VTI1A: variants seen among roughly 807,000 people sequenced by gnomAD.
VTI1A encodes vesicle transport through interaction with t-SNAREs homolog 1A.
In VTI1A, 22 loss-of-function variants were observed where a neutral mutation model predicts 34.9. The ratio of observed to expected loss-of-function variants is 0.63; its 90% confidence interval spans 0.45 to 0.90. VTI1A has a LOEUF of 0.90. Ranked by LOEUF, VTI1A falls within the 40% of genes least tolerant of loss-of-function variation. VTI1A has a pLI of 0.00. For synonymous variants in VTI1A, 87 were observed against 97.3 expected (o/e 0.89, Z 0.62); for missense variants, 268 against 275.6 (o/e 0.97, Z 0.20).
rs35671432 is a variant in VTI1A, at chr10:112,684,437, C to CTTT, written c.560+15456_560+15458dup. 7.0e-4 allele frequency among the ~76,000 whole-genome samples: 86 copies of CTTT among 123,432 alleles called. 3 individuals carry two copies. The highest frequency in any genetic ancestry group is 1.5e-3 in the African/African-American group (48 of 32,200). 81.0% of individuals were successfully genotyped at this position (123,432 alleles called of 152,430 possible). ...CCTTGAAGATAATAAATGCTCATCT[C>CTTT]TTTTTTTTTTTTTTTTTTTGAGACA... On this transcript the variant is annotated intron_variant, in intron 7 of 7. Coordinates refer to ENST00000393077, the MANE Select transcript of VTI1A (RefSeq NM_145206.4).
intron 3 of VTI1A, among the ~76,000 whole-genome samples, chr10:112,466,909 C>G (rs990841677): frequency 6.6e-6 from 1 of 152,162 alleles, no homozygotes; most frequent in Non-Finnish European, 1.5e-5. Context: ...GATGGCTTCT[C>G]CCCATGTCTT....
intron 7 of VTI1A, among the ~76,000 whole-genome samples, chr10:112,749,472 A>G (rs1851026139): frequency 6.6e-6 from 1 of 152,214 alleles, no homozygotes; most frequent in Non-Finnish European, 1.5e-5. Flanking sequence ...ATGCTGCTTC[A>G]CCCTTGATAG....
chr10:112,809,464 T>C (rs190594792), intron 7 of VTI1A, among the ~76,000 whole-genome samples: 1 of 152,268 alleles, frequency 6.6e-6, no homozygotes, highest in East Asian at 1.9e-4. Context: ...ACCCCAAAAG[T>C]GGGGCATCGT....
Position 112,768,196 on chromosome 10 carries a change from G to T in VTI1A, c.561-47094G>T, listed in dbSNP as rs573986396. On this transcript the variant is annotated intron_variant, in intron 7 of 7. Coordinates refer to ENST00000393077, the MANE Select transcript of VTI1A (RefSeq NM_145206.4). ...AAAACAAATTGCATGACGAGTGTGA[G>T]GATCCATTGTTATGGTATAATGGAA... 2.2e-4 allele frequency among the ~76,000 whole-genome samples: 34 copies of T among 152,308 alleles called. No homozygotes were observed. In the South Asian group the frequency reaches 2.3e-3, roughly 10 times the overall value.
intron 7 of VTI1A, among the ~76,000 whole-genome samples, chr10:112,711,440 T>C (rs774017627): frequency 2.0e-5 from 3 of 152,228 alleles, no homozygotes; most frequent in Non-Finnish European, 4.4e-5. Flanking sequence ...TTATTTAGCC[T>C]ATTAAATGAA....
chr10:112,464,488 A>G, intron 2 of VTI1A, 59 bp from the exon 3 acceptor site: 1 of 1,461,926 alleles, frequency 6.8e-7, no homozygotes, highest in Non-Finnish European at 9.4e-7. Context: ...AGCCGTAAAC[A>G]TTTGTTCAAA....
intron 7 of VTI1A, among the ~76,000 whole-genome samples, chr10:112,771,845 T>C (rs754723928): frequency 6.6e-6 from 1 of 152,250 alleles, no homozygotes; most frequent in Admixed American, 6.5e-5. Context: ...GTATAATGTT[T>C]TTAAGGTTTA....
intron 5 of VTI1A, among the ~76,000 whole-genome samples, chr10:112,561,924 C>T (rs981301690): frequency 1.3e-5 from 2 of 152,152 alleles, no homozygotes; most frequent in Non-Finnish European, 2.9e-5. Context: ...CAACATTTCA[C>T]TCCCCCAAAA....
chr10:112,739,378 G>A (rs1850611715), intron 7 of VTI1A, among the ~76,000 whole-genome samples: 1 of 152,132 alleles, frequency 6.6e-6, no homozygotes, highest in African/African-American at 2.4e-5. Context: ...GACAGATACT[G>A]TTGAATTTTG....
chr10:112,643,800 AAACATTGCATCACTGTTGACATTG>A (rs1250705897), intron 5 of VTI1A, among the ~76,000 whole-genome samples: 1 of 152,222 alleles, frequency 6.6e-6, no homozygotes, highest in East Asian at 1.9e-4. Flanking sequence ...AAAATGCTGT[AAACATTGCATCACTGTTGACATTG>A]AACATTGCAT....
chr10:112,590,825 G>C (rs1451656588), intron 5 of VTI1A, among the ~76,000 whole-genome samples: 2 of 152,176 alleles, frequency 1.3e-5, no homozygotes, highest in African/African-American at 4.8e-5. Flanking sequence ...ATATGGCCAG[G>C]CATGGTGGCT....
intron 1 of VTI1A, among the ~76,000 whole-genome samples, chr10:112,455,437 CT>C (rs1196080792): frequency 5.7e-4 from 2 of 3,530 alleles, no homozygotes; most frequent in African/African-American, 1.8e-3. Context: ...CCCTTCTTCC[CT>C]CCTTCCCTCC....
At chr10:112,806,999 C>G (rs540650077) in intron 7 of VTI1A, among the ~76,000 whole-genome samples, 2 of 152,344 alleles carry the variant, frequency 1.3e-5, no homozygotes, top group East Asian at 3.9e-4. Context: ...ACTGCCTGCT[C>G]TGCTCATGAA....
intron 5 of VTI1A, among the ~76,000 whole-genome samples, chr10:112,640,997 T>C (rs1362250787): frequency 6.6e-6 from 1 of 152,150 alleles, no homozygotes; most frequent in Non-Finnish European, 1.5e-5. Context: ...AGATTGGCTG[T>C]TTTCATATAA....
At chr10:112,584,624 C>T (rs191315182) in intron 5 of VTI1A, among the ~76,000 whole-genome samples, 3 of 152,326 alleles carry the variant, frequency 2.0e-5, no homozygotes, top group East Asian at 1.9e-4. Context: ...CAAATTGTGA[C>T]CGACAACAAA....
At chr10:112,750,677 G>A (rs1262268316) in intron 7 of VTI1A, among the ~76,000 whole-genome samples, 1 of 152,176 alleles carries the variant, frequency 6.6e-6, no homozygotes, top group East Asian at 1.9e-4. Context: ...TCTTGGAAAG[G>A]ACTGAGTCTT....
the VTI1A span, among the ~76,000 whole-genome samples, chr10:112,828,769 T>C: frequency 6.6e-6 from 1 of 150,592 alleles, no homozygotes. Flanking sequence ...CCCAGCACTT[T>C]GGGAAGCTGA....
At chr10:112,786,857 G>A (rs1852304168) in intron 7 of VTI1A, among the ~76,000 whole-genome samples, 1 of 152,136 alleles carries the variant, frequency 6.6e-6, no homozygotes, top group Non-Finnish European at 1.5e-5. Flanking sequence ...TGGTGTCTGT[G>A]TTTATGAAGA....
intron 7 of VTI1A, among the ~76,000 whole-genome samples, chr10:112,789,448 C>T: frequency 6.6e-6 from 1 of 152,124 alleles, no homozygotes; most frequent in East Asian, 1.9e-4. Flanking sequence ...CATGATGAGT[C>T]ATTTTTGTCT....
Sources: allele counts gnomAD v4.1 joint callset (sites outside exome capture counted in the v4.1 genomes callset), GRCh38; gene constraint gnomAD v4.1.1; transcripts MANE v1.5; gene names NCBI Gene and HGNC (gene_info 2026-07-23, HGNC 2026-07-21).